Variants in ARL6IP6 observed in about 807,000 individuals in gnomAD.
ARL6IP6 encodes the protein ADP-ribosylation factor-like protein 6-interacting protein 6.
In ARL6IP6, 22 loss-of-function variants were observed where a neutral mutation model predicts 21.5. The observed-to-expected ratio is 1.02, with a 90% confidence interval of 0.73 to 1.46. The LOEUF is 1.46. Ranked by LOEUF, ARL6IP6 falls within the 40% of genes most tolerant of loss-of-function variation. ARL6IP6 has a pLI of 0.00. For synonymous variants in ARL6IP6, 164 were observed against 125.3 expected, an observed-to-expected ratio of 1.31 and a Z score of -2.06; for missense variants, 388 against 299.8, an observed-to-expected ratio of 1.29 and a Z score of -2.17.
In ARL6IP6 at chr2:152,727,520, A is replaced by G. The variant is rs1399572077; in HGVS notation, c.454+6934A>G. On this transcript the variant is annotated intron_variant, in intron 2 of 3. Transcript: ENST00000326446. ...TCCTTGGCCTTCACCTTCACTCATC[A>G]GTCACTCGCTCACTGATTGACCCAG... Among the ~76,000 whole-genome samples the G allele has an allele frequency of 2.6e-5, 4 of 152,150 alleles. No individual in the cohort carries two copies. The South Asian group carries it at 8.3e-4, about 32-fold the overall frequency.
Position 152,762,212 on chromosome 2 carries a change from G to A in ARL6IP6, c.*2372G>A, listed in dbSNP as rs958946512. Among the ~76,000 whole-genome samples the A allele has an allele frequency of 6.6e-6, 1 of 152,152 alleles. No individual in the cohort carries two copies. Among genetic ancestry groups the A allele is most frequent in the Non-Finnish European group, 1.5e-5 (1 of 68,036 alleles). ...TTTCAGCTTGAAATTAAGATGTGACGAAGCTGGGAAAATGCAAGCCCAGGA... is the reference window on the plus strand; with the variant it reads ...TTTCAGCTTGAAATTAAGATGTGACAAAGCTGGGAAAATGCAAGCCCAGGA... On this transcript the variant is annotated 3_prime_UTR_variant, in exon 4 of 4. Transcript: ENST00000326446.
At chr2:152,729,213 T>C (rs930857590) in intron 2 of ARL6IP6, among the ~76,000 whole-genome samples, 1 of 151,996 alleles carries the variant, frequency 6.6e-6, no homozygotes, top group African/African-American at 2.4e-5. Context: ...CTACTAAAAA[T>C]ACAAGAATTA....
intron 3 of ARL6IP6, among the ~76,000 whole-genome samples, chr2:152,745,350 T>G (rs1477902109): frequency 6.6e-6 from 1 of 152,208 alleles, no homozygotes; most frequent in African/African-American, 2.4e-5. Context: ...CTCAGTTTTC[T>G]TTAATACAGT....
At chr2:152,726,702 TACACC>T (rs1700066761) in intron 2 of ARL6IP6, among the ~76,000 whole-genome samples, 1 of 152,218 alleles carries the variant, frequency 6.6e-6, no homozygotes, top group African/African-American at 2.4e-5. Flanking sequence ...AGTACAGCCA[TACACC>T]ACATACCATT....
intron 3 of ARL6IP6, among the ~76,000 whole-genome samples, chr2:152,750,571 G>A (rs1316614202): frequency 6.6e-6 from 1 of 151,884 alleles, no homozygotes; most frequent in Non-Finnish European, 1.5e-5. Context: ...GGTTCATCTG[G>A]TCCAGTTTTT....
chr2:152,736,493 T>C (rs138130573), intron 3 of ARL6IP6, among the ~76,000 whole-genome samples: 1 of 152,198 alleles, frequency 6.6e-6, no homozygotes. Context: ...AAATTCTTAT[T>C]CATTGTATTT....
rs745953973 is a variant in ARL6IP6 at position 152,759,825 on chromosome 2, A to T, written c.666A>T (p.Ala222=). The part of the protein sequence containing the change: ...LNGIVAALTV[A]WCLM ...GCATCGTAGCTGCTCTTACTGTAGCATGGTGCCTCATGTAAACCCACACTG... is the reference window on the plus strand; with the variant it reads ...GCATCGTAGCTGCTCTTACTGTAGCTTGGTGCCTCATGTAAACCCACACTG... Residue 222 remains alanine (A), a synonymous_variant, in exon 4 of 4, where the codon GCA becomes GCT. Coordinates refer to ENST00000326446, the MANE Select transcript of ARL6IP6 (RefSeq NM_152522.7). 2 of 1,612,950 alleles carry T rather than the reference A, an allele frequency of 1.2e-6. No individual in the cohort carries two copies. Among genetic ancestry groups the T allele is most frequent in the Admixed American group, 3.3e-5 (2 of 60,000 alleles).
intron 2 of ARL6IP6, among the ~76,000 whole-genome samples, chr2:152,728,795 G>C (rs531420758): frequency 3.9e-5 from 6 of 152,112 alleles, no homozygotes; most frequent in Admixed American, 6.5e-5. Flanking sequence ...ACGTGGTGGC[G>C]TCTGACTGAA....
intron 2 of ARL6IP6, among the ~76,000 whole-genome samples, chr2:152,731,909 A>G (rs1317404332): frequency 6.6e-6 from 1 of 152,066 alleles, no homozygotes; most frequent in African/African-American, 2.4e-5. Context: ...CTGAACTTTC[A>G]GTTTTTCAGC....
intron 3 of ARL6IP6, 45 bp downstream of exon 3, chr2:152,735,171 T>C (rs777319117): frequency 1.6e-5 from 25 of 1,599,204 alleles, no homozygotes; most frequent in Non-Finnish European, 2.1e-5. Context: ...GCATTTCAAC[T>C]CTTGAAAATA....
chr2:152,718,093 G>C, upstream of ARL6IP6: 1 of 990,992 alleles, frequency 1.0e-6, no homozygotes, highest in Non-Finnish European at 1.2e-6. Context: ...ATGGGGGTGA[G>C]CAGTTAAGGA....
intron 2 of ARL6IP6, among the ~76,000 whole-genome samples, chr2:152,728,974 C>G (rs1700172472): frequency 6.6e-6 from 1 of 151,528 alleles, no homozygotes; most frequent in South Asian, 2.1e-4. Context: ...AGGAGAACTG[C>G]TTGAACCTGG....
At chr2:152,752,241 A>C (rs2105179886) in intron 3 of ARL6IP6, among the ~76,000 whole-genome samples, 1 of 152,274 alleles carries the variant, frequency 6.6e-6, no homozygotes, top group African/African-American at 2.4e-5. Context: ...TTCCTGCTTC[A>C]GAGTATGGAA....
At chr2:152,733,576 G>A (rs1345128513) in intron 2 of ARL6IP6, among the ~76,000 whole-genome samples, 1 of 151,978 alleles carries the variant, frequency 6.6e-6, no homozygotes, top group East Asian at 1.9e-4. Flanking sequence ...TCGTCTATTT[G>A]TATATCAGTA....
intron 3 of ARL6IP6, among the ~76,000 whole-genome samples, chr2:152,750,200 C>T (rs370280217): frequency 7.2e-5 from 11 of 152,090 alleles, no homozygotes; most frequent in Admixed American, 2.0e-4. Flanking sequence ...GAACTGAGAC[C>T]GAGCGCAGTG....
chr2:152,754,169 C>G (rs142594820), intron 3 of ARL6IP6, among the ~76,000 whole-genome samples: 1 of 152,120 alleles, frequency 6.6e-6, no homozygotes, highest in Non-Finnish European at 1.5e-5. Context: ...TAGAACATTT[C>G]TATCACTCCA....
chr2:152,731,343 A>T (rs1324715435), intron 2 of ARL6IP6, among the ~76,000 whole-genome samples: 1 of 152,204 alleles, frequency 6.6e-6, no homozygotes, highest in Non-Finnish European at 1.5e-5. Flanking sequence ...TCAGTCTGTT[A>T]CTGAGCTTCA....
chr2:152,717,821 C>A (rs1699219051), upstream of ARL6IP6: 11 of 1,134,248 alleles, frequency 9.7e-6, no homozygotes, highest in African/African-American at 1.6e-5. Flanking sequence ...GTTACGTACG[C>A]CCCACAAACC....
chr2:152,756,578 G>A (rs1274110103), intron 3 of ARL6IP6, among the ~76,000 whole-genome samples: 2 of 151,838 alleles, frequency 1.3e-5, no homozygotes, highest in African/African-American at 2.4e-5. Flanking sequence ...TTTAACAAAA[G>A]ATTTGTATCT....
Sources: gnomAD v4.1 joint callset for allele counts (sites outside exome capture counted in the v4.1 genomes callset) on GRCh38, gnomAD v4.1.1 for gene constraint, MANE v1.5 for transcripts, NCBI Gene and HGNC (gene_info 2026-07-23, HGNC 2026-07-21) for gene names.